Variants in SIPA1L2 observed in about 807,000 individuals in gnomAD.
SIPA1L2 encodes signal-induced proliferation-associated 1-like protein 2.
In SIPA1L2, 56 loss-of-function variants were observed where a neutral mutation model predicts 163.9. The ratio of observed to expected loss-of-function variants is 0.34; its 90% confidence interval spans 0.28 to 0.43. The LOEUF (loss-of-function observed/expected upper bound fraction) is 0.43, where lower values mean the gene tolerates loss of function less well. Among genes scored for constraint, SIPA1L2 ranks in the 20% least tolerant of loss-of-function variants. The probability of loss-of-function intolerance (pLI) is 1.00; values close to 1 mark genes in which losing one functional copy is unlikely to be tolerated. For synonymous variants in SIPA1L2, 877 were observed against 865.7 expected, an observed-to-expected ratio of 1.01 and a Z score of -0.23; for missense variants, 1,974 against 2,193.5, an observed-to-expected ratio of 0.90 and a Z score of 2.00.
At chr1:232,412,767 A>T (rs534105243) in intron 19 of SIPA1L2, among the ~76,000 whole-genome samples, 10 of 152,296 alleles carry the variant, frequency 6.6e-5, no homozygotes, top group African/African-American at 2.4e-4. Flanking sequence ...CACCCTATGG[A>T]GCAGCATCAA....
chr1:232,599,305 C>T (rs1661462707), intron 1 of SIPA1L2, among the ~76,000 whole-genome samples: 2 of 152,310 alleles, frequency 1.3e-5, no homozygotes, highest in South Asian at 4.1e-4. Flanking sequence ...ATGAGTCTGA[C>T]GGTGGAGCCT....
intron 2 of SIPA1L2, among the ~76,000 whole-genome samples, chr1:232,554,271 C>T (rs1658570680): frequency 6.6e-6 from 1 of 152,148 alleles, no homozygotes; most frequent in Non-Finnish European, 1.5e-5. Flanking sequence ...GGAGAACAAT[C>T]TATAGGAGAG....
chr1:232,550,263 A>G (rs1163503957), intron 2 of SIPA1L2, among the ~76,000 whole-genome samples: 1 of 152,246 alleles, frequency 6.6e-6, no homozygotes, highest in Non-Finnish European at 1.5e-5. Context: ...CTAGGGCAGG[A>G]TGTATGGCTG....
intron 1 of SIPA1L2, among the ~76,000 whole-genome samples, chr1:232,589,091 T>C (rs1263276905): frequency 6.6e-6 from 1 of 152,186 alleles, no homozygotes; most frequent in Non-Finnish European, 1.5e-5. Context: ...TAGGTGGCAG[T>C]TCCCTCAAGG....
At chr1:232,417,562 T>A (rs1446789175) in intron 18 of SIPA1L2, among the ~76,000 whole-genome samples, 1 of 152,072 alleles carries the variant, frequency 6.6e-6, no homozygotes, top group Non-Finnish European at 1.5e-5. Context: ...ACTCACTGTT[T>A]CCCAGGAGCA....
chr1:232,450,027 G>A (rs191963721), intron 10 of SIPA1L2, among the ~76,000 whole-genome samples: 5 of 152,274 alleles, frequency 3.3e-5, no homozygotes, highest in Admixed American at 6.5e-5. Context: ...TCATGGTAGC[G>A]TTAATAGAGT....
chr1:232,445,575 T>C lies in SIPA1L2; in HGVS notation c.3307A>G (p.Ile1103Val). 6.2e-7 allele frequency: 1 copy of C among 1,614,000 alleles called. No individual in the cohort carries two copies. The highest frequency in any genetic ancestry group is 8.5e-7 in the Non-Finnish European group (1 of 1,179,998). ...CGGTCGAAGGAGGTGCTTCGAGGAA[T>C]GGCAGCCTGGGCCTGCTGGAGCAGC... ...QQLLQQAQAA[I>V]PRSTSFDRKL... The change falls in exon 11 of 23, where the codon ATT becomes GTT. Residue 1103 changes from isoleucine to valine, a missense_variant. Physicochemically the swap from Ile to Val is conservative, Grantham distance 29. This residue lies in a region of SIPA1L2 where 1,079 missense variants were observed against 1,150.7 expected (regional missense o/e 0.94). Transcript: ENST00000674635.
chr1:232,563,392 T>C (rs1659156152), intron 2 of SIPA1L2, among the ~76,000 whole-genome samples: 3 of 152,170 alleles, frequency 2.0e-5, no homozygotes, highest in African/African-American at 2.4e-5. Flanking sequence ...ATGAGAGGAA[T>C]GCGGGGGGAC....
chr1:232,425,735 T>G lies in SIPA1L2; in HGVS notation c.4484A>C (p.Asn1495Thr). The G allele has an allele frequency of 6.2e-7, 1 of 1,614,136 alleles. No homozygotes were observed. Among genetic ancestry groups the G allele is most frequent in the Non-Finnish European group, 8.5e-7 (1 of 1,179,998 alleles). The change falls in exon 18 of 23, where the codon AAC becomes ACC. Residue 1495 changes from asparagine (N) to threonine (T), a missense_variant. Coordinates refer to ENST00000674635, the MANE Select transcript of SIPA1L2 (RefSeq NM_020808.5). ...RTLSDESICS[N>T]RRGSSFGSSR... is the part of the protein sequence containing the mutation. ...ACTGCCAAAGGAGGACCCCCTCCTGTTGCTGCAGATGCTCTCGTCAGACAG... is the reference window on the plus strand; with the variant it reads ...ACTGCCAAAGGAGGACCCCCTCCTGGTGCTGCAGATGCTCTCGTCAGACAG...
intron 1 of SIPA1L2, among the ~76,000 whole-genome samples, chr1:232,608,319 A>G (rs4649275): frequency 0.55 from 82,994 of 152,064 alleles, 23,919 homozygotes; most frequent in East Asian, 0.75. Context: ...AAGTACTGGG[A>G]TCACAGGCAT....
chr1:232,618,483 G>A (rs56296026), intron 1 of SIPA1L2, among the ~76,000 whole-genome samples: 41,239 of 151,812 alleles, frequency 0.27, 5,877 homozygotes, highest in East Asian at 0.34. Context: ...GTGAAACCCC[G>A]TCTCTACTAA....
chr1:232,611,864 C>A (rs1050518033), intron 1 of SIPA1L2, among the ~76,000 whole-genome samples: 2 of 152,190 alleles, frequency 1.3e-5, no homozygotes, highest in African/African-American at 4.8e-5. Context: ...ATCCCCAAGA[C>A]AATGGGGAAA....
intron 2 of SIPA1L2, among the ~76,000 whole-genome samples, chr1:232,520,166 T>C (rs1366329253): frequency 2.0e-5 from 3 of 152,240 alleles, no homozygotes; most frequent in Non-Finnish European, 4.4e-5. Flanking sequence ...TAAGCTAATT[T>C]TTACTGTGAG....
chr1:232,549,978 T>C (rs1432093941), intron 2 of SIPA1L2, among the ~76,000 whole-genome samples: 1 of 152,192 alleles, frequency 6.6e-6, no homozygotes, highest in Non-Finnish European at 1.5e-5. Context: ...AGTGAATTTC[T>C]TTTTCATTTC....
intron 2 of SIPA1L2, among the ~76,000 whole-genome samples, chr1:232,565,258 C>G (rs1659337610): frequency 6.6e-6 from 1 of 152,200 alleles, no homozygotes; most frequent in African/African-American, 2.4e-5. Context: ...GATGGCAAAC[C>G]AGGTTGTTGT....
chr1:232,443,128 T>G (rs1358352201), intron 12 of SIPA1L2, among the ~76,000 whole-genome samples: 1 of 152,154 alleles, frequency 6.6e-6, no homozygotes. Flanking sequence ...CTCAGTGTCT[T>G]TGTTCACAGA....
At position 232,462,678 on chromosome 1, in the gene SIPA1L2, C is replaced by T. The variant is rs139346021; in HGVS notation, c.2821-1517G>A. On this transcript the variant is annotated intron_variant, in intron 9 of 22. Transcript: ENST00000674635. ...GCACAACACAAATAAATTTTGGTCA[C>T]TTCTTTTTCAACTTTGTTCTAAGCA... Among the ~76,000 whole-genome samples, 289 of 152,342 alleles carry T rather than the reference C, an allele frequency of 1.9e-3. 2 individuals carry two copies. Among genetic ancestry groups the T allele is most frequent in the African/African-American group, 6.7e-3 (280 of 41,582 alleles).
intron 1 of SIPA1L2, among the ~76,000 whole-genome samples, chr1:232,621,181 C>T (rs1355553922): frequency 6.6e-6 from 1 of 152,198 alleles, no homozygotes; most frequent in African/African-American, 2.4e-5. Flanking sequence ...AAAACTGCTA[C>T]CTCACCACAA....
At chr1:232,463,656 G>A (rs1165980412) in intron 9 of SIPA1L2, among the ~76,000 whole-genome samples, 1 of 152,194 alleles carries the variant, frequency 6.6e-6, no homozygotes, top group Non-Finnish European at 1.5e-5. Context: ...CAGAAGCACA[G>A]ATTATAATGA....
Sources: allele counts gnomAD v4.1 joint callset (sites outside exome capture counted in the v4.1 genomes callset), GRCh38; gene constraint gnomAD v4.1.1; regional missense constraint gnomAD v4.1.1; transcripts MANE v1.5; gene names NCBI Gene and HGNC (gene_info 2026-07-23, HGNC 2026-07-21).